ANTXR2: variants seen among roughly 807,000 people sequenced by gnomAD.
ANTXR2 encodes the protein ANTXR cell adhesion molecule 2, also known as anthrax toxin receptor 2.
ANTXR2 carries 44 observed loss-of-function variants against 73.7 expected under a neutral mutation model. The observed-to-expected ratio is 0.60, with a 90% confidence interval of 0.47 to 0.77. The LOEUF is 0.77. ANTXR2 is among the 30% of genes least tolerant of loss of function. The pLI is 0.00. For synonymous variants in ANTXR2, 217 were observed against 205.9 expected (o/e 1.05, Z -0.46); for missense variants, 604 against 592.5 (o/e 1.02, Z -0.20).
In ANTXR2 at chr4:79,984,039, C is replaced by T. The variant is rs1171568628; in HGVS notation, c.1087-69G>A. On this transcript the variant is annotated intron_variant, in intron 13 of 16. Transcript: ENST00000403729. ...AAATACTGTTTAGTCGGAACTGGCT[C>T]ATATTTAAATATTTTTCTGAATTAT... is the stretch of plus-strand genomic sequence containing the variant. 1.3e-5 allele frequency: 14 copies of T among 1,106,764 alleles called. No individual in the cohort carries two copies. The East Asian group carries it at 3.5e-4, about 28-fold the overall frequency. 68.6% of individuals were successfully genotyped at this position (1,106,764 alleles called of 1,614,324 possible).
intron 16 of ANTXR2, among the ~76,000 whole-genome samples, chr4:79,956,433 C>T (rs1256751460): frequency 3.3e-5 from 5 of 152,032 alleles, no homozygotes. Context: ...GAATAACGAG[C>T]GTTCACTGGA....
intron 16 of ANTXR2, among the ~76,000 whole-genome samples, chr4:79,914,789 A>C (rs1002367549): frequency 6.6e-6 from 1 of 152,180 alleles, no homozygotes; most frequent in African/African-American, 2.4e-5. Flanking sequence ...AATCTGTCTG[A>C]AGACTGAAAA....
chr4:80,004,409 T>G (rs1731205572), intron 12 of ANTXR2, among the ~76,000 whole-genome samples: 1 of 152,052 alleles, frequency 6.6e-6, no homozygotes. Context: ...CAGAAACTTT[T>G]TTTTTATACT....
intron 3 of ANTXR2, among the ~76,000 whole-genome samples, chr4:80,060,297 G>A (rs34830342): frequency 0.044 from 6,764 of 152,250 alleles, 187 homozygotes; most frequent in Middle Eastern, 0.11. Context: ...ACATGTTTGT[G>A]TTGGGTCAGG....
At chr4:79,928,686 T>TA (rs1727930544) in intron 16 of ANTXR2, among the ~76,000 whole-genome samples, 2 of 152,226 alleles carry the variant, frequency 1.3e-5, no homozygotes, top group South Asian at 2.1e-4. Flanking sequence ...TGTGTTTGAA[T>TA]AAAAAAACAT....
chr4:80,056,557 T>C (rs984599311), intron 3 of ANTXR2, among the ~76,000 whole-genome samples: 5 of 151,868 alleles, frequency 3.3e-5, no homozygotes, highest in Non-Finnish European at 7.4e-5. Context: ...TTCTCACCCA[T>C]CCAGACATTC....
At chr4:80,064,360 A>G (rs1258099237) in intron 3 of ANTXR2, among the ~76,000 whole-genome samples, 1 of 152,198 alleles carries the variant, frequency 6.6e-6, no homozygotes, top group East Asian at 1.9e-4. Flanking sequence ...AAAAAAAGAC[A>G]ATCTATGATG....
intron 16 of ANTXR2, among the ~76,000 whole-genome samples, chr4:79,926,948 T>C (rs1381942060): frequency 1.5e-5 from 1 of 66,040 alleles, no homozygotes; most frequent in African/African-American, 4.9e-5. Context: ...TATATGTGTA[T>C]ATATACGTGT....
At chr4:79,914,386 T>TATTAACTTTCCCAAAC in intron 16 of ANTXR2, among the ~76,000 whole-genome samples, 1 of 152,158 alleles carries the variant, frequency 6.6e-6, no homozygotes, top group Non-Finnish European at 1.5e-5. Flanking sequence ...CAATTTTTGT[T>TATTAACTTTCCCAAAC]CTTCTGAGGT....
intron 16 of ANTXR2, among the ~76,000 whole-genome samples, chr4:79,931,359 T>C (rs1365950471): frequency 6.6e-6 from 1 of 152,192 alleles, no homozygotes; most frequent in African/African-American, 2.4e-5. Context: ...GGACACCAGC[T>C]GCAAATATTT....
At chr4:79,915,851 T>C (rs910096376) in intron 16 of ANTXR2, among the ~76,000 whole-genome samples, 18 of 127,740 alleles carry the variant, frequency 1.4e-4, no homozygotes, top group Middle Eastern at 4.0e-3. Flanking sequence ...TCTCTCTCTC[T>C]CTCTCTCTCT....
At chr4:80,026,944 T>A (rs1179785993) in intron 10 of ANTXR2, among the ~76,000 whole-genome samples, 1 of 152,106 alleles carries the variant, frequency 6.6e-6, no homozygotes, top group Non-Finnish European at 1.5e-5. Context: ...TGAGGTGAAC[T>A]TATCACATTG....
chr4:79,961,540 T>C (rs1451257971), intron 16 of ANTXR2, among the ~76,000 whole-genome samples: 1 of 152,062 alleles, frequency 6.6e-6, no homozygotes, highest in Non-Finnish European at 1.5e-5. Context: ...GCTCAAGCAA[T>C]CCTCCCACCT....
intron 10 of ANTXR2, among the ~76,000 whole-genome samples, chr4:80,028,158 A>G (rs754436645): frequency 6.6e-6 from 1 of 152,148 alleles, no homozygotes; most frequent in Non-Finnish European, 1.5e-5. Flanking sequence ...AAAAATCTAT[A>G]TCAAATAAAG....
intron 12 of ANTXR2, among the ~76,000 whole-genome samples, chr4:79,985,935 G>A (rs778784391): frequency 4.7e-5 from 7 of 148,720 alleles, no homozygotes; most frequent in Admixed American, 6.8e-5. Flanking sequence ...TCCACCTCCC[G>A]GGTTCAAGCG....
chr4:79,915,856 C>CTATATATATATATA (rs1474331161), intron 16 of ANTXR2, among the ~76,000 whole-genome samples: 4 of 112,290 alleles, frequency 3.6e-5, no homozygotes, highest in African/African-American at 9.0e-5. Context: ...CTCTCTCTCT[C>CTATATATATATATA]TCTCTCTATA....
At chr4:79,980,995 G>T (rs1399280613) in intron 14 of ANTXR2, among the ~76,000 whole-genome samples, 1 of 150,676 alleles carries the variant, frequency 6.6e-6, no homozygotes, top group Non-Finnish European at 1.5e-5. Context: ...AATTTTGTTT[G>T]CACAGTGGCA....
intron 16 of ANTXR2, among the ~76,000 whole-genome samples, chr4:79,953,761 T>G (rs1466717298): frequency 6.6e-6 from 1 of 152,134 alleles, no homozygotes; most frequent in African/African-American, 2.4e-5. Flanking sequence ...GGACAATATC[T>G]GTAGGTGCTT....
rs541478844 is a variant in ANTXR2, at chr4:80,062,720, T to C, written c.297-6707A>G. Among the ~76,000 whole-genome samples the C allele has an allele frequency of 3.9e-5, 6 of 152,356 alleles. No individual in the cohort carries two copies. The East Asian group carries it at 1.2e-3, about 29-fold the overall frequency. On this transcript the variant is annotated intron_variant, in intron 3 of 16. Transcript: ENST00000403729. The stretch of plus-strand genomic sequence containing the variant: ...GACGATGTTTTTGAGTTGTGACTAA[T>C]TCTGACTGATTGAAAACTGGAGAAG...
Sources: allele counts gnomAD v4.1 joint callset (sites outside exome capture counted in the v4.1 genomes callset), GRCh38; gene constraint gnomAD v4.1.1; transcripts MANE v1.5; gene names NCBI Gene and HGNC (gene_info 2026-07-23, HGNC 2026-07-21).